DOCK7: variants seen among roughly 807,000 people sequenced by gnomAD.
DOCK7 encodes the protein dedicator of cytokinesis protein 7.
DOCK7 carries 138 observed loss-of-function variants against 271.0 expected under a neutral mutation model. The ratio of observed to expected loss-of-function variants is 0.51; its 90% confidence interval spans 0.44 to 0.59. The LOEUF (loss-of-function observed/expected upper bound fraction) is 0.59. Ranked by LOEUF, DOCK7 falls within the 20% of genes least tolerant of loss-of-function variation. The probability of loss-of-function intolerance (pLI) is 0.00; values close to 1 mark genes in which losing one functional copy is unlikely to be tolerated. For missense variants in DOCK7, 2,066 were observed against 2,592.4 expected, an observed-to-expected ratio of 0.80 and a Z score of 4.41; for synonymous variants, 823 against 876.1, an observed-to-expected ratio of 0.94 and a Z score of 1.07.
chr1:62,468,235 C>T (rs956310551), intron 48 of DOCK7, among the ~76,000 whole-genome samples: 2 of 151,956 alleles, frequency 1.3e-5, no homozygotes, highest in African/African-American at 4.8e-5. Context: ...GTGGCAGGCG[C>T]CTGTAATCCC....
At chr1:62,563,863 C>CAAAAAA (rs71045848) in intron 18 of DOCK7, among the ~76,000 whole-genome samples, 1 of 38,842 alleles carries the variant, frequency 2.6e-5, no homozygotes, top group African/African-American at 1.0e-4. Context: ...ATTTACCAAG[C>CAAAAAA]AAAAAAAAAA....
intron 39 of DOCK7, 54 bp downstream of exon 39, chr1:62,495,527 G>A: frequency 7.9e-6 from 9 of 1,135,400 alleles, no homozygotes; most frequent in Non-Finnish European, 1.1e-5. Context: ...AATGCTTACT[G>A]TATGTCTTAC....
At chr1:62,569,110 AC>A (rs71191420) in intron 18 of DOCK7, among the ~76,000 whole-genome samples, 1 of 152,184 alleles carries the variant, frequency 6.6e-6, no homozygotes, top group Non-Finnish European at 1.5e-5. Flanking sequence ...TAGCCTACCA[AC>A]CAAAAAAGCC....
chr1:62,461,584 T>C (rs1373122202), intron 48 of DOCK7, among the ~76,000 whole-genome samples: 2 of 151,316 alleles, frequency 1.3e-5, no homozygotes, highest in Non-Finnish European at 2.9e-5. Context: ...GGAGGATCGC[T>C]TGAATCCAGC....
At chr1:62,677,390 G>A (rs960719481) in intron 1 of DOCK7, among the ~76,000 whole-genome samples, 6 of 152,128 alleles carry the variant, frequency 3.9e-5, no homozygotes, top group Admixed American at 2.6e-4. Context: ...TGAGCCTGGG[G>A]CTGTCAAATC....
chr1:62,619,869 G>A, intron 13 of DOCK7, 31 bp downstream of exon 13: 3 of 1,401,372 alleles, frequency 2.1e-6, no homozygotes, highest in Non-Finnish European at 3.0e-6. Context: ...AATAATAGTT[G>A]CAACCATTTC....
Position 62,577,360 on chromosome 1 carries a change from T to C in DOCK7, c.2014A>G (p.Ile672Val). The C allele has an allele frequency of 3.8e-6, 6 of 1,561,388 alleles. No individual in the cohort carries two copies. The highest frequency in any genetic ancestry group is 5.2e-6 in the Non-Finnish European group (6 of 1,149,940). ...PLETPVGYTW[I>V]PMLQNGRLKT... ...AACCGTCCATTCTGAAGCATTGGTA[T>C]CCACTTTTAAATGAAAAGAAAACAA... Residue 672 changes from isoleucine (I) to valine (V), a missense_variant, in exon 18 of 50, where the codon ATA becomes GTA. By Grantham distance (29) the Ile-to-Val change is conservative (BLOSUM62 3). Transcript: ENST00000635253.
At chr1:62,660,574 T>G (rs569855575) in intron 2 of DOCK7, among the ~76,000 whole-genome samples, 1 of 152,132 alleles carries the variant, frequency 6.6e-6, no homozygotes, top group South Asian at 2.1e-4. Flanking sequence ...GATTGGTGGC[T>G]CCTCAAAAAG....
intron 18 of DOCK7, among the ~76,000 whole-genome samples, chr1:62,568,826 T>A (rs1646624960): frequency 6.7e-6 from 1 of 149,638 alleles, no homozygotes; most frequent in South Asian, 2.1e-4. Flanking sequence ...TTGAAAAAAT[T>A]AATAAAATAG....
chr1:62,484,394 TA>T (rs1646231502), intron 43 of DOCK7: 1 of 152,202 alleles, frequency 6.6e-6, no homozygotes, highest in Non-Finnish European at 1.5e-5. Context: ...ATGACTATGT[TA>T]TCACTGGGGA....
intron 31 of DOCK7, among the ~76,000 whole-genome samples, chr1:62,520,028 G>A (rs1166416951): frequency 1.3e-5 from 2 of 152,072 alleles, no homozygotes; most frequent in Non-Finnish European, 2.9e-5. Context: ...AATAAATGGT[G>A]TTCGGAACCG....
intron 22 of DOCK7, among the ~76,000 whole-genome samples, chr1:62,549,228 T>A (rs1168896217): frequency 2.0e-5 from 3 of 151,986 alleles, no homozygotes; most frequent in African/African-American, 4.8e-5. Flanking sequence ...GAAAAAAAAA[T>A]TTAACTGTGT....
rs1028850189 is a variant in DOCK7, at chr1:62,487,417, A to G, written c.5494-5T>C. The G allele has an allele frequency of 5.0e-6, 8 of 1,611,056 alleles. No homozygotes were observed. The Middle Eastern group carries it at 6.6e-4, about 133-fold the overall frequency. On this transcript the variant is annotated splice_polypyrimidine_tract_variant and splice_region_variant and intron_variant, in intron 42 of 49. Coordinates refer to ENST00000635253, the MANE Select transcript of DOCK7 (RefSeq NM_001367561.1). The stretch of plus-strand genomic sequence containing the variant: ...ACCTACCTCCCAGCCAGTACTCTGT[A>G]TAATAAAAAGTAAAAAAGGGCAAGT...
At chr1:62,525,776 T>G (rs1019021912) in intron 31 of DOCK7, among the ~76,000 whole-genome samples, 2 of 152,210 alleles carry the variant, frequency 1.3e-5, no homozygotes, top group African/African-American at 4.8e-5. Flanking sequence ...TAAAAAAAAT[T>G]TGCTACACTG....
At chr1:62,638,572 T>C (rs1247248851) in intron 7 of DOCK7, among the ~76,000 whole-genome samples, 1 of 147,740 alleles carries the variant, frequency 6.8e-6, no homozygotes, top group Non-Finnish European at 1.5e-5. Context: ...CATGAATATA[T>C]ATTTTCATGA....
In DOCK7 at chr1:62,669,388, G is replaced by A. The variant is rs563064908; in HGVS notation, c.39-6258C>T. On this transcript the variant is annotated intron_variant, in intron 1 of 49. Transcript: ENST00000635253. Reference sequence around the variant, plus strand: ...TATGGTGGGGGGAAAAGAGTACAGTGAAGTATCAAGAATTTGGCTTTCCGG... The same window carrying A: ...TATGGTGGGGGGAAAAGAGTACAGTAAAGTATCAAGAATTTGGCTTTCCGG... 2.0e-5 allele frequency among the ~76,000 whole-genome samples: 3 copies of A among 152,322 alleles called. No individual in the cohort carries two copies. In the East Asian group the frequency reaches 5.8e-4, roughly 29 times the overall value.
intron 8 of DOCK7, among the ~76,000 whole-genome samples, chr1:62,636,068 C>T (rs1006730346): frequency 6.6e-5 from 10 of 152,260 alleles, no homozygotes; most frequent in African/African-American, 1.4e-4. Context: ...CTGGCTAACA[C>T]GGTGAAATCC....
intron 18 of DOCK7, among the ~76,000 whole-genome samples, chr1:62,576,045 A>G (rs1025603800): frequency 1.3e-5 from 2 of 152,144 alleles, no homozygotes; most frequent in Non-Finnish European, 2.9e-5. Flanking sequence ...GGAGAGTCAT[A>G]TTTCTTACTC....
intron 48 of DOCK7, chr1:62,461,054 A>G (rs1389165709): frequency 6.6e-6 from 1 of 152,236 alleles, no homozygotes; most frequent in African/African-American, 2.4e-5. Flanking sequence ...AAAGCACTTG[A>G]TAACAAACTT....
Sources: allele counts gnomAD v4.1 joint callset (sites outside exome capture counted in the v4.1 genomes callset), GRCh38; gene constraint gnomAD v4.1.1; transcripts MANE v1.5; gene names NCBI Gene and HGNC (gene_info 2026-07-23, HGNC 2026-07-21).